The following TCF24 variants were observed in gnomAD, a reference collection of about 807,000 sequenced individuals.
TCF24 encodes the protein transcription factor 24.
In TCF24, 5 loss-of-function variants were observed where a neutral mutation model predicts 9.3. That is an observed-to-expected ratio of 0.54 (90% CI 0.28 to 1.13). TCF24 has a LOEUF of 1.13. TCF24 is among the 50% of genes most tolerant of loss of function. The pLI is 0.09. For synonymous variants in TCF24, 110 were observed against 115.8 expected, an observed-to-expected ratio of 0.95 and a Z score of 0.32; for missense variants, 220 against 236.1, an observed-to-expected ratio of 0.93 and a Z score of 0.45.
chr8:66,950,489 T>C (rs921316234), intron 3 of TCF24, among the ~76,000 whole-genome samples: 30 of 152,190 alleles, frequency 2.0e-4, no homozygotes. Flanking sequence ...TTTTGGTTAC[T>C]GTAGCCTTGT....
At chr8:66,959,143 A>G (rs1814214846) in intron 3 of TCF24, among the ~76,000 whole-genome samples, 1 of 152,218 alleles carries the variant, frequency 6.6e-6, no homozygotes, top group African/African-American at 2.4e-5. Context: ...CTTAGTAGAG[A>G]GGAAGTCTTG....
At chr8:66,958,942 A>G (rs761106096) in intron 3 of TCF24, among the ~76,000 whole-genome samples, 3 of 152,200 alleles carry the variant, frequency 2.0e-5, no homozygotes, top group Non-Finnish European at 4.4e-5. Flanking sequence ...CCAGGTTCCC[A>G]GTCTCTTAAA....
Position 66,948,018 on chromosome 8 carries a change from C to A in TCF24, c.*33G>T. Reference sequence around the variant, plus strand: ...TGTCATAGTATTTAAAAACAATAGCCACCACTTCTACCAGCCCCCACCAGG... The same window carrying A: ...TGTCATAGTATTTAAAAACAATAGCAACCACTTCTACCAGCCCCCACCAGG... On this transcript the variant is annotated 3_prime_UTR_variant, in exon 4 of 4. Coordinates refer to ENST00000563496, the MANE Select transcript of TCF24 (RefSeq NM_001193502.2). 7.1e-7 allele frequency: 1 copy of A among 1,413,416 alleles called. No homozygotes were observed. The highest frequency in any genetic ancestry group is 9.4e-7 in the Non-Finnish European group (1 of 1,063,884). The allele number at this position is 1,413,416 out of a possible 1,614,324, so 87.6% of individuals were successfully genotyped here.
chr8:66,955,382 A>T (rs893399312), intron 3 of TCF24, among the ~76,000 whole-genome samples: 6 of 139,364 alleles, frequency 4.3e-5, no homozygotes, highest in African/African-American at 1.4e-4. Context: ...GAGAGGGACT[A>T]AAAAAAAAAA....
rs1814066597 is a variant in TCF24, at chr8:66,951,997, T to C, written c.391-3833A>G. Among the ~76,000 whole-genome samples, 2 of 147,630 alleles carry C rather than the reference T, an allele frequency of 1.4e-5. 1 individual carries two copies. The highest frequency in any genetic ancestry group is 3.0e-5 in the Non-Finnish European group (2 of 66,210). On this transcript the variant is annotated intron_variant, in intron 3 of 3. Coordinates refer to ENST00000563496, the MANE Select transcript of TCF24 (RefSeq NM_001193502.2). Reference sequence around the variant, plus strand: ...GATTCTTCTCTCTTTTTTTCTTTATTAGTCTTGCTAGCAGTCTATCAATTT... The same window carrying C: ...GATTCTTCTCTCTTTTTTTCTTTATCAGTCTTGCTAGCAGTCTATCAATTT...
chr8:66,951,586 T>G (rs535791803), intron 3 of TCF24, among the ~76,000 whole-genome samples: 143 of 152,368 alleles, frequency 9.4e-4, no homozygotes, highest in African/African-American at 3.2e-3. Context: ...CCGGCTTTGG[T>G]ATCAGAATGA....
At chr8:66,957,111 CA>C (rs1165600722) in intron 3 of TCF24, among the ~76,000 whole-genome samples, 974 of 15,696 alleles carry the variant, frequency 0.062, 5 homozygotes, top group African/African-American at 0.1. Context: ...GACTCCGTCT[CA>C]AAAAAAAAAA....
chr8:66,956,767 G>C (rs879737018), intron 3 of TCF24, among the ~76,000 whole-genome samples: 2 of 152,158 alleles, frequency 1.3e-5, no homozygotes, highest in Non-Finnish European at 2.9e-5. Flanking sequence ...CCCCAGTGCT[G>C]TAGTGTTACA....
chr8:66,953,230 G>T (rs1479314683), intron 3 of TCF24, among the ~76,000 whole-genome samples: 2 of 152,096 alleles, frequency 1.3e-5, no homozygotes, highest in Non-Finnish European at 2.9e-5. Context: ...GCAGCGGCTG[G>T]TACCGGTTGT....
rs536863211 is a variant in TCF24 at position 66,951,504 on chromosome 8, T to C, written c.391-3340A>G. On this transcript the variant is annotated intron_variant, in intron 3 of 3. Transcript: ENST00000563496. ...CTGGATTCGTTTTGCCAGTATTTTA[T>C]TGAGGATTTTTGCATCAATGTTCAT... Among the ~76,000 whole-genome samples the C allele has an allele frequency of 6.0e-4, 91 of 152,046 alleles. No individual in the cohort carries two copies. In the East Asian group the frequency reaches 0.017, roughly 28 times the overall value.
chr8:66,953,254 T>C (rs1404044688), intron 3 of TCF24, among the ~76,000 whole-genome samples: 1 of 152,084 alleles, frequency 6.6e-6, no homozygotes, highest in Non-Finnish European at 1.5e-5. Context: ...TTTCCATGTT[T>C]AGCGCTTCCT....
chr8:66,954,380 G>A (rs1202468359), intron 3 of TCF24, among the ~76,000 whole-genome samples: 7 of 151,906 alleles, frequency 4.6e-5, no homozygotes, highest in Non-Finnish European at 5.9e-5. Flanking sequence ...GCCCCTGCTC[G>A]GGGGTGCCTC....
chr8:66,951,829 G>A (rs1245305739), intron 3 of TCF24, among the ~76,000 whole-genome samples: 1 of 151,632 alleles, frequency 6.6e-6, no homozygotes, highest in East Asian at 1.9e-4. Context: ...TTGGGAGAGT[G>A]TATGTGTCAA....
chr8:66,960,757 C>T (rs1025853770), intron 3 of TCF24, among the ~76,000 whole-genome samples: 1 of 152,142 alleles, frequency 6.6e-6, no homozygotes, highest in Non-Finnish European at 1.5e-5. Context: ...CAATCTATTA[C>T]GAACGTATTT....
intron 3 of TCF24, among the ~76,000 whole-genome samples, chr8:66,958,096 T>C (rs1363312956): frequency 6.6e-6 from 1 of 152,122 alleles, no homozygotes; most frequent in Non-Finnish European, 1.5e-5. Context: ...TGTCCTTGAT[T>C]TTCAAAAAGG....
chr8:66,961,978 C>T lies in TCF24; in HGVS notation c.-125G>A, dbSNP rs1011680284. On this transcript the variant is annotated 5_prime_UTR_variant, in exon 2 of 4. Coordinates refer to ENST00000563496, the MANE Select transcript of TCF24 (RefSeq NM_001193502.2). ...GGGAGAGTTGCGGAACTCCGGAGTTCTTGGGCTTCCTAGAAGGATAAGAAG... is the reference window on the plus strand; with the variant it reads ...GGGAGAGTTGCGGAACTCCGGAGTTTTTGGGCTTCCTAGAAGGATAAGAAG... 6 of 217,502 alleles carry T rather than the reference C, an allele frequency of 2.8e-5. No homozygotes were observed. Among genetic ancestry groups the T allele is most frequent in the Non-Finnish European group, 4.9e-5 (6 of 121,576 alleles). 13.5% of individuals were successfully genotyped at this position (217,502 alleles called of 1,614,324 possible).
In TCF24 at chr8:66,947,533, T is replaced by C. The variant is rs1464678316; in HGVS notation, c.*518A>G. Reference sequence around the variant, plus strand: ...TTTCTAATACTCCAAACAAGTTTTCTAAGAGGGAAAAGTAACTACTTATTG... The same window carrying C: ...TTTCTAATACTCCAAACAAGTTTTCCAAGAGGGAAAAGTAACTACTTATTG... On this transcript the variant is annotated 3_prime_UTR_variant, in exon 4 of 4. Transcript: ENST00000563496. 2 of 152,258 alleles carry C rather than the reference T, an allele frequency of 1.3e-5. No homozygotes were observed. Among genetic ancestry groups the C allele is most frequent in the East Asian group, 3.8e-4 (2 of 5,200 alleles). 9.4% of individuals were successfully genotyped at this position (152,258 alleles called of 1,614,324 possible). A position where few individuals can be genotyped will look rare whatever the true frequency, so the allele number is the denominator to read the frequency against.
chr8:66,949,727 G>GTAA (rs1385729554), intron 3 of TCF24, among the ~76,000 whole-genome samples: 1 of 151,962 alleles, frequency 6.6e-6, no homozygotes, highest in Non-Finnish European at 1.5e-5. Flanking sequence ...CACCAACAGT[G>GTAA]TAAAAGTGTT....
At chr8:66,953,078 GC>G (rs1168645249) in intron 3 of TCF24, among the ~76,000 whole-genome samples, 2 of 143,160 alleles carry the variant, frequency 1.4e-5, no homozygotes, top group Non-Finnish European at 3.1e-5. Flanking sequence ...TTTAATTGGA[GC>G]ATTTAGTCCA....
Sources: gnomAD v4.1 joint callset for allele counts (sites outside exome capture counted in the v4.1 genomes callset) on GRCh38, gnomAD v4.1.1 for gene constraint, MANE v1.5 for transcripts, NCBI Gene and HGNC (gene_info 2026-07-23, HGNC 2026-07-21) for gene names.